TRAPPC9: variants seen among roughly 807,000 people sequenced by gnomAD.
The protein encoded by TRAPPC9 is trafficking protein particle complex subunit 9, also known as IKK2 binding protein.
TRAPPC9 carries 83 observed loss-of-function variants against 124.0 expected under a neutral mutation model. The ratio of observed to expected loss-of-function variants is 0.67; its 90% CI spans 0.56 to 0.80. The LOEUF (loss-of-function observed/expected upper bound fraction) is 0.80, where lower values mean the gene tolerates loss of function less well. Ranked by LOEUF, TRAPPC9 falls within the 30% of genes least tolerant of loss-of-function variation. The probability of loss-of-function intolerance (pLI) is 0.00; values close to 1 mark genes in which losing one functional copy is unlikely to be tolerated. For synonymous variants in TRAPPC9, 638 were observed against 617.5 expected, an observed-to-expected ratio of 1.03 and a Z score of -0.49; for missense variants, 1,302 against 1,508.3, an observed-to-expected ratio of 0.86 and a Z score of 2.27.
intron 17 of TRAPPC9, chr8:140,096,670 A>T (rs189120232): frequency 6.6e-6 from 1 of 152,350 alleles, no homozygotes; most frequent in African/African-American, 2.4e-5. Flanking sequence ...GGAAATTGTA[A>T]AGCCGGTTGG....
At chr8:139,928,290 G>A (rs983798634) in intron 19 of TRAPPC9, among the ~76,000 whole-genome samples, 8 of 152,164 alleles carry the variant, frequency 5.3e-5, no homozygotes, top group African/African-American at 1.7e-4. Context: ...TCAGGAGTTC[G>A]AGACTAGCCT....
chr8:139,879,390 G>C (rs1381061650), intron 21 of TRAPPC9, among the ~76,000 whole-genome samples: 1 of 152,190 alleles, frequency 6.6e-6, no homozygotes, highest in African/African-American at 2.4e-5. Context: ...GGCAGGTGCA[G>C]GACGTGGTCA....
Position 140,063,660 on chromosome 8 carries a change from T to TC in TRAPPC9, c.2557-39582dup, listed in dbSNP as rs1470666415. On this transcript the variant is annotated intron_variant, in intron 17 of 22. Coordinates refer to ENST00000438773, the MANE Select transcript of TRAPPC9 (RefSeq NM_001160372.4). The surrounding 1 kb of genome is among the most constrained non-coding windows in gnomAD (Gnocchi z 4.3). ...CTATAAGATTTAGTGCATACTTTTT[T>TC]CCATAAAAGAATTATTTCGGCAGGA... Among the ~76,000 whole-genome samples the TC allele has an allele frequency of 1.4e-4, 21 of 152,200 alleles. No homozygotes were observed. The highest frequency in any genetic ancestry group is 3.1e-4 in the Non-Finnish European group (21 of 68,050).
chr8:139,831,036 C>A (rs567463795), intron 21 of TRAPPC9, among the ~76,000 whole-genome samples: 1 of 152,186 alleles, frequency 6.6e-6, no homozygotes, highest in Non-Finnish European at 1.5e-5. Flanking sequence ...CCTTGGGAAG[C>A]GGGAGCACTT....
chr8:140,364,725 G>C (rs1018928827), intron 8 of TRAPPC9, among the ~76,000 whole-genome samples: 4 of 152,042 alleles, frequency 2.6e-5, no homozygotes, highest in African/African-American at 7.2e-5. Flanking sequence ...TAGGATTACA[G>C]GCATGCGCCA....
At chr8:140,126,291 G>GC (rs1017752476) in intron 17 of TRAPPC9, among the ~76,000 whole-genome samples, 1 of 151,696 alleles carries the variant, frequency 6.6e-6, no homozygotes, top group African/African-American at 2.4e-5. Context: ...GACACGGTGG[G>GC]CCCCATCTGG....
chr8:140,438,644 C>G (rs2070900853), intron 3 of TRAPPC9, among the ~76,000 whole-genome samples: 1 of 152,132 alleles, frequency 6.6e-6, no homozygotes, highest in African/African-American at 2.4e-5. Context: ...TCCCTCATCC[C>G]TTCTTTTTGG....
rs2130188722 is a variant in TRAPPC9 at position 139,749,937 on chromosome 8, C to T, written c.3056-17735G>A. ...AGGACCTGGTCAAGGGAGATGGGCC[C>T]AGACACTCCCTCTGTCCTAGGCTTG... On this transcript the variant is annotated intron_variant, in intron 21 of 22. Coordinates refer to ENST00000438773, the MANE Select transcript of TRAPPC9 (RefSeq NM_001160372.4). 3.3e-5 allele frequency among the ~76,000 whole-genome samples: 5 copies of T among 152,248 alleles called. 1 individual carries two copies. In the Middle Eastern group the frequency reaches 0.014, roughly 414 times the overall value.
chr8:139,829,474 T>C (rs1035858212), intron 21 of TRAPPC9, among the ~76,000 whole-genome samples: 39 of 152,372 alleles, frequency 2.6e-4, no homozygotes, highest in Admixed American at 9.8e-4. Flanking sequence ...GGGAGAGCTC[T>C]GCCTCAATGC....
intron 21 of TRAPPC9, among the ~76,000 whole-genome samples, chr8:139,866,214 T>C (rs569652245): frequency 7.6e-4 from 116 of 152,328 alleles, no homozygotes; most frequent in African/African-American, 2.6e-3. Flanking sequence ...TTATCAGACC[T>C]AAATGTGTTG....
At chr8:140,445,779 G>T (rs932301577) in intron 2 of TRAPPC9, among the ~76,000 whole-genome samples, 1 of 152,242 alleles carries the variant, frequency 6.6e-6, no homozygotes, top group Non-Finnish European at 1.5e-5. Context: ...GAAAGAAAGT[G>T]TTGGTACTTG....
intron 14 of TRAPPC9, among the ~76,000 whole-genome samples, chr8:140,283,609 T>G (rs966262422): frequency 6.6e-6 from 1 of 152,036 alleles, no homozygotes; most frequent in Non-Finnish European, 1.5e-5. Flanking sequence ...ATTCCCTATG[T>G]TTTTAAGGGA....
intron 8 of TRAPPC9, among the ~76,000 whole-genome samples, chr8:140,364,016 A>C (rs565784822): frequency 7.2e-4 from 110 of 152,328 alleles, no homozygotes; most frequent in Non-Finnish European, 1.2e-3. Flanking sequence ...AGTTCCACTT[A>C]AGGCTGAAAG....
rs1000819218 is a variant in TRAPPC9 at position 139,880,140 on chromosome 8, C to T, written c.3055+5739G>A. 4.1e-4 allele frequency among the ~76,000 whole-genome samples: 63 copies of T among 152,214 alleles called. 1 individual carries two copies. Among genetic ancestry groups the T allele is most frequent in the African/African-American group, 1.5e-3 (63 of 41,448 alleles). On this transcript the variant is annotated intron_variant, in intron 21 of 22. Transcript: ENST00000438773. Reference sequence around the variant, plus strand: ...ACTCTGCTCAGAAATGGAAAACCCCCACATGGCTTCTTCGGGAAGAGATGC... The same window carrying T: ...ACTCTGCTCAGAAATGGAAAACCCCTACATGGCTTCTTCGGGAAGAGATGC...
At chr8:140,377,891 C>T (rs866124772) in intron 7 of TRAPPC9, among the ~76,000 whole-genome samples, 1 of 151,672 alleles carries the variant, frequency 6.6e-6, no homozygotes, top group Admixed American at 6.6e-5. Context: ...ACCCGGGGGG[C>T]AGAGGTTGCA....
At chr8:140,286,109 A>C (rs544702840) in intron 13 of TRAPPC9, among the ~76,000 whole-genome samples, 30 of 152,316 alleles carry the variant, frequency 2.0e-4, no homozygotes, top group Non-Finnish European at 3.7e-4. Context: ...CTCCCGGAGG[A>C]AGGAAAGCCT....
intron 17 of TRAPPC9, among the ~76,000 whole-genome samples, chr8:140,210,253 A>G (rs1015732173): frequency 6.6e-6 from 1 of 152,178 alleles, no homozygotes; most frequent in Admixed American, 6.5e-5. Flanking sequence ...AGGGCAAGGC[A>G]CCCAGCAGGG....
chr8:140,082,866 G>A (rs375751916), intron 17 of TRAPPC9, among the ~76,000 whole-genome samples: 1 of 152,262 alleles, frequency 6.6e-6, no homozygotes, highest in African/African-American at 2.4e-5. Context: ...GCTTTTCTGG[G>A]AAGCAATTTG....
chr8:139,781,035 G>A (rs1821780949), intron 21 of TRAPPC9, among the ~76,000 whole-genome samples: 1 of 152,216 alleles, frequency 6.6e-6, no homozygotes, highest in African/African-American at 2.4e-5. Flanking sequence ...AGGCTGTGCA[G>A]CAACAGGAAC....
Sources: gnomAD v4.1 joint callset for allele counts (sites outside exome capture counted in the v4.1 genomes callset) on GRCh38, gnomAD v4.1.1 for gene constraint, Gnocchi (gnomAD v3.1) non-coding constraint, MANE v1.5 for transcripts, NCBI Gene and HGNC (gene_info 2026-07-23, HGNC 2026-07-21) for gene names.